HOOK3: variants seen among roughly 807,000 people sequenced by gnomAD.
HOOK3 encodes the protein hook microtubule tethering protein 3, also known as protein Hook homolog 3.
HOOK3 carries 24 observed loss-of-function variants against 116.3 expected under a neutral mutation model. The observed-to-expected ratio is 0.21, with a 90% CI of 0.15 to 0.29. The LOEUF (loss-of-function observed/expected upper bound fraction) is 0.29. Among genes scored for constraint, HOOK3 ranks in the 10% least tolerant of loss-of-function variants. The pLI is 1.00. For missense variants in HOOK3, 632 were observed against 830.2 expected (o/e 0.76, Z 2.93); for synonymous variants, 275 against 283.0 (o/e 0.97, Z 0.28).
At chr8:42,963,444 T>A (rs998935541) in intron 8 of HOOK3, among the ~76,000 whole-genome samples, 5 of 152,224 alleles carry the variant, frequency 3.3e-5, no homozygotes, top group Admixed American at 1.3e-4. Flanking sequence ...GTTTCCAGTT[T>A]TCTTCTATTA....
Position 42,964,546 on chromosome 8 carries a change from G to A in HOOK3, c.779+72G>A, listed in dbSNP as rs1022737743. 3.6e-6 allele frequency: 5 copies of A among 1,406,448 alleles called. No individual in the cohort carries two copies. The African/African-American group carries it at 7.1e-5, about 20-fold the overall frequency. The allele number at this position is 1,406,448 out of a possible 1,614,324, so 87.1% of individuals were successfully genotyped here. ...GTCATTTAAAGTTAAGAGTATATTG[G>A]CCAGGCACATTGGTCCATGCCTGGA... On this transcript the variant is annotated intron_variant, in intron 9 of 21. Transcript: ENST00000307602.
In HOOK3 at chr8:42,968,202, C is replaced by T. The variant is rs749757838; in HGVS notation, c.1110C>T (p.Thr370=). 1 of 1,611,712 alleles carries T rather than the reference C, an allele frequency of 6.2e-7. No homozygotes were observed. The highest frequency in any genetic ancestry group is 1.1e-5 in the South Asian group (1 of 90,530). ...KANAARSQLE[T]YKRQVVELQN... ...ACGCAGCGCGAAGTCAACTTGAAAC[C>T]TACAAGAGACAGGTAAAAGAAACAC... Residue 370 remains threonine (T), a synonymous_variant, in exon 11 of 22, where the codon ACC becomes ACT. Coordinates refer to ENST00000307602, the MANE Select transcript of HOOK3 (RefSeq NM_032410.4).
intron 13 of HOOK3, among the ~76,000 whole-genome samples, chr8:42,982,162 A>G (rs1170430189): frequency 2.0e-5 from 3 of 149,526 alleles, no homozygotes; most frequent in Admixed American, 2.0e-4. Context: ...GGCTGAGACA[A>G]AAGAATTGCC....
chr8:42,901,075 T>G (rs1474546870), intron 1 of HOOK3, among the ~76,000 whole-genome samples: 1 of 152,198 alleles, frequency 6.6e-6, no homozygotes, highest in African/African-American at 2.4e-5. Context: ...AGCATCCCAT[T>G]GCCTCAACCA....
In HOOK3 at chr8:43,013,136, G is replaced by T; in HGVS notation, c.1925G>T (p.Arg642Leu). Residue 642 changes from arginine (R) to leucine (L), a missense_variant, in exon 20 of 22, where the codon CGA becomes CTA. Transcript: ENST00000307602. ...ALKNQLQERD[R>L]LFHSLEKEYE... ...AAAAATCAGCTCCAGGAACGAGACC[G>T]ACTGTTCCACTCATTAGAGGTAGTT... The T allele has an allele frequency of 6.2e-7, 1 of 1,608,294 alleles. No individual in the cohort carries two copies. Among genetic ancestry groups the T allele is most frequent in the South Asian group, 1.1e-5 (1 of 90,778 alleles).
At chr8:42,978,131 C>T (rs555779830) in intron 13 of HOOK3, among the ~76,000 whole-genome samples, 5 of 152,066 alleles carry the variant, frequency 3.3e-5, no homozygotes, top group Admixed American at 6.5e-5. Flanking sequence ...CAAAGCACTC[C>T]GCAATATGTA....
In HOOK3 at chr8:43,030,020, CATT is replaced by C. The variant is rs1563319113; in HGVS notation, c.*11525_*11527del. 1 of 212,720 alleles carries C rather than the reference CATT, an allele frequency of 4.7e-6. No homozygotes were observed. The highest frequency in any genetic ancestry group is 9.5e-6 in the Non-Finnish European group (1 of 105,240). 13.2% of individuals were successfully genotyped at this position (212,720 alleles called of 1,614,324 possible). On this transcript the variant is annotated 3_prime_UTR_variant, in exon 22 of 22. Transcript: ENST00000307602. Reference sequence around the variant, plus strand: ...CATTTTTCAGAATTTCATTCTTTGTCATTATAATCCAAAAACAATGTCCACATC... The same window carrying C: ...CATTTTTCAGAATTTCATTCTTTGTCATAATCCAAAAACAATGTCCACATC...
intron 21 of HOOK3, among the ~76,000 whole-genome samples, chr8:43,017,336 G>A (rs750258550): frequency 3.3e-5 from 5 of 152,108 alleles, no homozygotes; most frequent in East Asian, 1.9e-4. Context: ...GTGTAATCAC[G>A]GCTCACTGCA....
intron 4 of HOOK3, among the ~76,000 whole-genome samples, chr8:42,937,352 AT>A (rs35303192): frequency 0.057 from 6,533 of 113,782 alleles, 143 homozygotes; most frequent in South Asian, 0.09. Context: ...GGATTCATTG[AT>A]TTTTTTTTTT....
chr8:43,010,461 G>A (rs376120746), intron 19 of HOOK3, 56 bp downstream of exon 19: 2 of 554,122 alleles, frequency 3.6e-6, no homozygotes, highest in Admixed American at 8.3e-5. Context: ...TTTCAGTGAA[G>A]TCTCAAATAT....
chr8:42,944,314 T>C (rs1214390470), intron 5 of HOOK3, among the ~76,000 whole-genome samples: 1 of 151,540 alleles, frequency 6.6e-6, no homozygotes, highest in African/African-American at 2.4e-5. Flanking sequence ...TACTCAGGTG[T>C]CTGAGGCATG....
In HOOK3 at chr8:43,025,685, T is replaced by C. The variant is rs1418780532; in HGVS notation, c.*7187T>C. Reference sequence around the variant, plus strand: ...CTAAAGCTGAGAAAGTGATTTTAGGTCGCCAAGGATACTATGATTTGATGA... The same window carrying C: ...CTAAAGCTGAGAAAGTGATTTTAGGCCGCCAAGGATACTATGATTTGATGA... On this transcript the variant is annotated 3_prime_UTR_variant, in exon 22 of 22. Coordinates refer to ENST00000307602, the MANE Select transcript of HOOK3 (RefSeq NM_032410.4). 4.7e-6 allele frequency: 1 copy of C among 215,040 alleles called. No homozygotes were observed. Among genetic ancestry groups the C allele is most frequent in the Non-Finnish European group, 9.4e-6 (1 of 106,834 alleles). The allele number at this position is 215,040 out of a possible 1,614,324, so 13.3% of individuals were successfully genotyped here.
At chr8:42,943,467 T>C in intron 5 of HOOK3, 22 bp downstream of exon 5, 1 of 1,400,618 alleles carries the variant, frequency 7.1e-7, no homozygotes, top group Non-Finnish European at 9.4e-7. Context: ...CAAGTTAGTG[T>C]TTGCATTTAA....
At position 42,921,239 on chromosome 8, in the gene HOOK3, G is replaced by A. The variant is rs7003072; in HGVS notation, c.144-4318G>A. On this transcript the variant is annotated intron_variant, in intron 2 of 21. Coordinates refer to ENST00000307602, the MANE Select transcript of HOOK3 (RefSeq NM_032410.4). The stretch of plus-strand genomic sequence containing the variant: ...TTCAGCTGAATGAAACTGACTTGCC[G>A]CTTGGGTGGTAGGTTCTGGTGGGTT... Among the ~76,000 whole-genome samples, 1,251 of 151,690 alleles carry A rather than the reference G, an allele frequency of 8.2e-3. 16 individuals carry two copies. The highest frequency in any genetic ancestry group is 0.028 in the African/African-American group (1,163 of 41,334).
intron 10 of HOOK3, among the ~76,000 whole-genome samples, chr8:42,966,866 G>A (rs752909184): frequency 2.0e-5 from 3 of 152,114 alleles, no homozygotes; most frequent in Non-Finnish European, 4.4e-5. Flanking sequence ...GCAATTAAGC[G>A]ATACACAAGT....
Position 43,028,816 on chromosome 8 carries a change from A to T in HOOK3, c.*10318A>T, listed in dbSNP as rs138081491. 1.6e-3 allele frequency: 328 copies of T among 198,866 alleles called. 1 individual carries two copies. Among genetic ancestry groups the T allele is most frequent in the African/African-American group, 6.8e-3 (297 of 43,520 alleles). 12.3% of individuals were successfully genotyped at this position (198,866 alleles called of 1,614,324 possible). A position where few individuals can be genotyped will look rare whatever the true frequency, so the allele number is the denominator to read the frequency against. ...CCTTTTGAGTCAGCTTGGTGCTTAC[A>T]ATTATTTTGTTAGGAAATCTTGATG... On this transcript the variant is annotated 3_prime_UTR_variant, in exon 22 of 22. Transcript: ENST00000307602.
intron 10 of HOOK3, among the ~76,000 whole-genome samples, chr8:42,966,889 G>T (rs1212136012): frequency 6.6e-6 from 1 of 152,134 alleles, no homozygotes; most frequent in Non-Finnish European, 1.5e-5. Flanking sequence ...TTGTAAAATA[G>T]AAATTGTGAC....
intron 4 of HOOK3, among the ~76,000 whole-genome samples, chr8:42,937,642 T>C (rs1807998788): frequency 6.6e-6 from 1 of 152,104 alleles, no homozygotes; most frequent in Non-Finnish European, 1.5e-5. Flanking sequence ...TTCATTTCAT[T>C]ATGTACCCAG....
chr8:43,014,285 G>GAAAAA (rs1195987584), intron 21 of HOOK3, among the ~76,000 whole-genome samples: 2 of 66,684 alleles, frequency 3.0e-5, no homozygotes, highest in Admixed American at 1.7e-4. Context: ...GACTGTCTCA[G>GAAAAA]AAAAAAAAAA....
Sources: gnomAD v4.1 joint callset for allele counts (sites outside exome capture counted in the v4.1 genomes callset) on GRCh38, gnomAD v4.1.1 for gene constraint, MANE v1.5 for transcripts, NCBI Gene and HGNC (gene_info 2026-07-23, HGNC 2026-07-21) for gene names.